The following RBMS3 variants were observed in gnomAD, a reference collection of about 807,000 sequenced individuals.
The protein encoded by RBMS3 is RNA binding motif single stranded interacting protein 3.
RBMS3 carries 27 observed loss-of-function variants against 66.8 expected under a neutral mutation model. The observed-to-expected ratio is 0.40, with a 90% confidence interval of 0.30 to 0.56. The LOEUF is 0.56. Among genes scored for constraint, RBMS3 ranks in the 20% least tolerant of loss-of-function variants. RBMS3 has a pLI of 0.40. For synonymous variants in RBMS3, 188 were observed against 183.0 expected (o/e 1.03, Z -0.22); for missense variants, 513 against 549.5 (o/e 0.93, Z 0.66).
intron 2 of RBMS3, among the ~76,000 whole-genome samples, chr3:29,476,004 G>A (rs1024829206): frequency 1.3e-5 from 2 of 152,072 alleles, no homozygotes; most frequent in Admixed American, 6.5e-5. Context: ...AAACAAAAAG[G>A]CATCCTAGGT....
intron 10 of RBMS3, among the ~76,000 whole-genome samples, chr3:29,928,211 T>TATATATATAC (rs1291440563): frequency 4.1e-3 from 384 of 93,452 alleles, no homozygotes; most frequent in East Asian, 0.013. Flanking sequence ...TATATATATA[T>TATATATATAC]ACACACACAC....
In RBMS3 at chr3:29,998,238, A is replaced by G. The variant is rs576322766; in HGVS notation, c.1308-5618A>G. On this transcript the variant is annotated intron_variant, in intron 14 of 14. Coordinates refer to ENST00000383767, the MANE Select transcript of RBMS3 (RefSeq NM_001003793.3). ...GTGAAGGACCTCTTCAAGGAGAACT[A>G]CAAACCACTGCTCAATGAAATAAAA... Among the ~76,000 whole-genome samples the G allele has an allele frequency of 2.1e-3, 322 of 152,324 alleles. 4 individuals carry two copies. The highest frequency in any genetic ancestry group is 7.0e-3 in the African/African-American group (292 of 41,568).
At chr3:29,646,204 C>G (rs760801297) in intron 4 of RBMS3, among the ~76,000 whole-genome samples, 1 of 152,192 alleles carries the variant, frequency 6.6e-6, no homozygotes, top group Non-Finnish European at 1.5e-5. Context: ...AAGGTAGTGG[C>G]TTCCAGACTG....
chr3:29,503,491 T>G (rs529098155), intron 3 of RBMS3, among the ~76,000 whole-genome samples: 1 of 152,238 alleles, frequency 6.6e-6, no homozygotes, highest in South Asian at 2.1e-4. Flanking sequence ...TTACAGTGTT[T>G]AGATTCTAAC....
chr3:29,848,011 A>G (rs2058832340), intron 6 of RBMS3, among the ~76,000 whole-genome samples: 1 of 152,194 alleles, frequency 6.6e-6, no homozygotes, highest in South Asian at 2.1e-4. Context: ...TATTTTGTGT[A>G]GGGCTGGAAC....
At chr3:29,673,642 T>G (rs1410772951) in intron 4 of RBMS3, among the ~76,000 whole-genome samples, 1 of 151,992 alleles carries the variant, frequency 6.6e-6, no homozygotes, top group African/African-American at 2.4e-5. Context: ...GCAAATAAAC[T>G]AGAAAATCTA....
intron 3 of RBMS3, among the ~76,000 whole-genome samples, chr3:29,577,939 A>C (rs775968054): frequency 6.6e-6 from 1 of 152,166 alleles, no homozygotes; most frequent in Admixed American, 6.5e-5. Context: ...AGTTGCTAAA[A>C]TTTGGTGTTC....
At chr3:29,545,732 A>G (rs574284914) in intron 3 of RBMS3, among the ~76,000 whole-genome samples, 7 of 152,162 alleles carry the variant, frequency 4.6e-5, no homozygotes, top group Non-Finnish European at 1.0e-4. Flanking sequence ...TTGCCATTGT[A>G]GCTACTGCCA....
At chr3:29,835,505 A>G (rs1014388122) in intron 6 of RBMS3, among the ~76,000 whole-genome samples, 8 of 152,004 alleles carry the variant, frequency 5.3e-5, no homozygotes, top group African/African-American at 1.9e-4. Context: ...AAATATGTGA[A>G]AATTAAACAA....
intron 12 of RBMS3, among the ~76,000 whole-genome samples, chr3:29,978,059 T>A (rs1559855856): frequency 6.6e-6 from 1 of 152,172 alleles, no homozygotes; most frequent in Non-Finnish European, 1.5e-5. Context: ...GAAAGCAGTC[T>A]CTGAGGCACC....
chr3:29,795,007 C>G (rs1383453692), intron 6 of RBMS3, among the ~76,000 whole-genome samples: 1 of 152,160 alleles, frequency 6.6e-6, no homozygotes, highest in East Asian at 1.9e-4. Flanking sequence ...TGTTGGTTGA[C>G]ATGGGCATTT....
intron 1 of RBMS3, among the ~76,000 whole-genome samples, chr3:29,293,723 T>G (rs146729493): frequency 6.6e-6 from 1 of 151,634 alleles, no homozygotes; most frequent in Non-Finnish European, 1.5e-5. Context: ...ATTTTTTTTT[T>G]CTTTGTTGTA....
intron 4 of RBMS3, among the ~76,000 whole-genome samples, chr3:29,615,652 G>C (rs1356148433): frequency 6.6e-6 from 1 of 152,194 alleles, no homozygotes; most frequent in South Asian, 2.1e-4. Context: ...GAGGTAAAAA[G>C]ACTACTTGAG....
In RBMS3 at chr3:29,960,533, G is replaced by A. The variant is rs1027370585; in HGVS notation, c.1098+16279G>A. The stretch of plus-strand genomic sequence containing the variant: ...CTCCAGTAGGCAGTGCCCCAGGGGG[G>A]ACTCTGTGTGGGAACTCGCACCCCA... On this transcript the variant is annotated intron_variant, in intron 12 of 14. Coordinates refer to ENST00000383767, the MANE Select transcript of RBMS3 (RefSeq NM_001003793.3). Among the ~76,000 whole-genome samples the A allele has an allele frequency of 2.0e-5, 3 of 152,204 alleles. No homozygotes were observed. In the South Asian group the frequency reaches 6.2e-4, roughly 31 times the overall value.
intron 3 of RBMS3, among the ~76,000 whole-genome samples, chr3:29,518,865 G>A (rs1576092761): frequency 6.6e-6 from 1 of 152,268 alleles, no homozygotes; most frequent in Non-Finnish European, 1.5e-5. Context: ...AAAGACAACT[G>A]TAGATGATAG....
Position 29,428,573 on chromosome 3 carries a change from T to TA in RBMS3, c.76-6155dup, listed in dbSNP as rs36117390. On this transcript the variant is annotated intron_variant, in intron 1 of 14. Coordinates refer to ENST00000383767, the MANE Select transcript of RBMS3 (RefSeq NM_001003793.3). ...ATTGAATGTCCCAAATGCTTTCTGT[T>TA]AAAAAAAAAAAAAAAGAAGAAAACA... 7.6e-3 allele frequency among the ~76,000 whole-genome samples: 1,102 copies of TA among 144,424 alleles called. 11 individuals carry two copies. The highest frequency in any genetic ancestry group is 0.022 in the African/African-American group (887 of 39,636). 94.7% of individuals were successfully genotyped at this position (144,424 alleles called of 152,430 possible).
intron 4 of RBMS3, among the ~76,000 whole-genome samples, chr3:29,593,476 A>G (rs2149104307): frequency 6.6e-6 from 1 of 152,274 alleles, no homozygotes; most frequent in Non-Finnish European, 1.5e-5. Context: ...GTTCCAGGGT[A>G]ACTTGAGCAG....
chr3:29,352,690 T>C (rs77856083), intron 1 of RBMS3, among the ~76,000 whole-genome samples: 1,679 of 152,136 alleles, frequency 0.011, 43 homozygotes, highest in African/African-American at 0.039. Flanking sequence ...TTATGCCTTT[T>C]GTCTAACTGT....
At chr3:29,629,460 G>A (rs2049200566) in intron 4 of RBMS3, among the ~76,000 whole-genome samples, 2 of 152,020 alleles carry the variant, frequency 1.3e-5, no homozygotes, top group South Asian at 4.1e-4. Flanking sequence ...GTTCAAACTG[G>A]CATTTTCTCT....
Sources: gnomAD v4.1 joint callset for allele counts (sites outside exome capture counted in the v4.1 genomes callset) on GRCh38, gnomAD v4.1.1 for gene constraint, MANE v1.5 for transcripts, NCBI Gene and HGNC (gene_info 2026-07-23, HGNC 2026-07-21) for gene names.